Variants in CNTLN observed in about 807,000 individuals in gnomAD.
CNTLN encodes the protein centlein.
CNTLN carries 212 observed loss-of-function variants against 180.0 expected under a neutral mutation model. That is an observed-to-expected ratio of 1.18 (90% confidence interval 1.05 to 1.32). The LOEUF is 1.32. Ranked by LOEUF, CNTLN falls within the 40% of genes most tolerant of loss-of-function variation. The probability of loss-of-function intolerance (pLI) is 0.00; values close to 1 mark genes in which losing one functional copy is unlikely to be tolerated. For missense variants in CNTLN, 2,095 were observed against 1,610.9 expected (o/e 1.30, Z -5.14); for synonymous variants, 722 against 563.1 (o/e 1.28, Z -3.99).
chr9:17,149,875 G>A (rs1309932403), intron 2 of CNTLN, among the ~76,000 whole-genome samples: 2 of 151,988 alleles, frequency 1.3e-5, no homozygotes, highest in East Asian at 3.9e-4. Context: ...ATCTCGTTGT[G>A]GTTTTGATTT....
chr9:17,227,150 C>T (rs1393999561), intron 3 of CNTLN, among the ~76,000 whole-genome samples: 1 of 151,614 alleles, frequency 6.6e-6, no homozygotes, highest in African/African-American at 2.4e-5. Context: ...CAGCACCAAG[C>T]CATGAGGGAT....
chr9:17,364,851 T>C lies in CNTLN; in HGVS notation c.1887-1766T>C, dbSNP rs554733122. Reference sequence around the variant, plus strand: ...TTTTGATTGTTCATGTTTCTGTAAATTGTATGGCTCAGTTTTGAACCTATT... The same window carrying C: ...TTTTGATTGTTCATGTTTCTGTAAACTGTATGGCTCAGTTTTGAACCTATT... On this transcript the variant is annotated intron_variant, in intron 12 of 25. Transcript: ENST00000380647. Among the ~76,000 whole-genome samples the C allele has an allele frequency of 1.3e-4, 20 of 152,338 alleles. 1 individual carries two copies. Among genetic ancestry groups the C allele is most frequent in the African/African-American group, 4.3e-4 (18 of 41,578 alleles).
At chr9:17,356,896 C>T (rs951179753) in intron 12 of CNTLN, among the ~76,000 whole-genome samples, 9 of 151,822 alleles carry the variant, frequency 5.9e-5, no homozygotes, top group African/African-American at 1.9e-4. Flanking sequence ...GTTTCCTGCC[C>T]TCCCCATATA....
intron 2 of CNTLN, among the ~76,000 whole-genome samples, chr9:17,170,517 T>G (rs114414695): frequency 0.019 from 2,896 of 152,222 alleles, 59 homozygotes; most frequent in African/African-American, 0.05. Flanking sequence ...ACATTCTTTC[T>G]GTTCCTCTAA....
chr9:17,181,935 C>G (rs538296447), intron 2 of CNTLN, among the ~76,000 whole-genome samples: 1 of 152,316 alleles, frequency 6.6e-6, no homozygotes, highest in East Asian at 1.9e-4. Context: ...AAAATTCTGA[C>G]TCTTCCTTGG....
chr9:17,191,144 A>G lies in CNTLN; in HGVS notation c.450-35059A>G, dbSNP rs144669668. ...ATTTTCTTCTTAAACAGCCATAACT[A>G]TTTACTAATAGGATATGTGAGCCTT... is the stretch of plus-strand genomic sequence containing the variant. On this transcript the variant is annotated intron_variant, in intron 2 of 25. Coordinates refer to ENST00000380647, the MANE Select transcript of CNTLN (RefSeq NM_017738.4). Among the ~76,000 whole-genome samples, 24 of 152,322 alleles carry G rather than the reference A, an allele frequency of 1.6e-4. No homozygotes were observed. The East Asian group carries it at 4.4e-3, about 28-fold the overall frequency.
At position 17,483,434 on chromosome 9, in the gene CNTLN, C is replaced by T. The variant is rs192139591; in HGVS notation, c.3856-861C>T. Among the ~76,000 whole-genome samples the T allele has an allele frequency of 2.0e-5, 3 of 152,274 alleles. No individual in the cohort carries two copies. The East Asian group carries it at 5.8e-4, about 29-fold the overall frequency. ...TGTCAAAATTATAGTTATACACACC[C>T]TTTGATCCAGCAGTTTCAATTCTAG... On this transcript the variant is annotated intron_variant, in intron 23 of 25. Coordinates refer to ENST00000380647, the MANE Select transcript of CNTLN (RefSeq NM_017738.4).
intron 23 of CNTLN, among the ~76,000 whole-genome samples, chr9:17,474,444 A>G (rs957612115): frequency 1.3e-5 from 2 of 152,104 alleles, no homozygotes; most frequent in African/African-American, 4.8e-5. Context: ...AAATAGACCC[A>G]GGAGTCTGCT....
downstream of CNTLN, among the ~76,000 whole-genome samples, chr9:17,505,715 A>G (rs1042904993): frequency 2.6e-5 from 4 of 152,138 alleles, no homozygotes; most frequent in Non-Finnish European, 5.9e-5. Flanking sequence ...CCAAATTTAT[A>G]TAGAGATTTA....
At chr9:17,202,423 G>A (rs1046864591) in intron 2 of CNTLN, among the ~76,000 whole-genome samples, 1 of 151,868 alleles carries the variant, frequency 6.6e-6, no homozygotes, top group African/African-American at 2.4e-5. Flanking sequence ...ACAGTGGGGT[G>A]TTAAACTCAC....
At chr9:17,336,045 C>A (rs562522278) in intron 10 of CNTLN, among the ~76,000 whole-genome samples, 1 of 152,202 alleles carries the variant, frequency 6.6e-6, no homozygotes, top group East Asian at 1.9e-4. Context: ...TCATTCAGCA[C>A]CTGCCTGTGG....
intron 15 of CNTLN, among the ~76,000 whole-genome samples, chr9:17,406,596 C>G (rs1158285010): frequency 6.6e-6 from 1 of 151,694 alleles, no homozygotes; most frequent in African/African-American, 2.4e-5. Flanking sequence ...TTCCTCTTAT[C>G]TTGCTCATTT....
At chr9:17,407,123 GA>G (rs1827453728) in intron 15 of CNTLN, among the ~76,000 whole-genome samples, 1 of 152,174 alleles carries the variant, frequency 6.6e-6, no homozygotes, top group South Asian at 2.1e-4. Flanking sequence ...ATAACTTGTA[GA>G]TTTGATCAAT....
intron 20 of CNTLN, among the ~76,000 whole-genome samples, chr9:17,463,860 G>A (rs1256165532): frequency 6.6e-6 from 1 of 151,456 alleles, no homozygotes; most frequent in Non-Finnish European, 1.5e-5. Flanking sequence ...GTTAATACAT[G>A]TAAAGCACTT....
At chr9:17,391,371 C>T (rs1042808648) in intron 14 of CNTLN, among the ~76,000 whole-genome samples, 1 of 152,032 alleles carries the variant, frequency 6.6e-6, no homozygotes, top group Non-Finnish European at 1.5e-5. Context: ...TATGACCTGC[C>T]TTAGGGAAGA....
chr9:17,481,363 C>A (rs1055815172), intron 23 of CNTLN, among the ~76,000 whole-genome samples: 5 of 152,194 alleles, frequency 3.3e-5, no homozygotes, highest in Admixed American at 2.0e-4. Context: ...CCAGGGAGCT[C>A]AAGCGCAGAG....
intron 5 of CNTLN, among the ~76,000 whole-genome samples, chr9:17,249,263 G>A (rs371111653): frequency 6.0e-5 from 9 of 151,220 alleles, no homozygotes; most frequent in East Asian, 1.9e-4. Flanking sequence ...TAGTTTTGTC[G>A]TGTTGTGTTT....
intron 6 of CNTLN, among the ~76,000 whole-genome samples, chr9:17,279,274 G>A (rs549793138): frequency 6.6e-6 from 1 of 152,000 alleles, no homozygotes; most frequent in East Asian, 1.9e-4. Flanking sequence ...ATTCTATATA[G>A]TACTTCAGTG....
chr9:17,268,825 G>C (rs890382714), intron 5 of CNTLN, among the ~76,000 whole-genome samples: 1 of 151,726 alleles, frequency 6.6e-6, no homozygotes, highest in African/African-American at 2.4e-5. Flanking sequence ...CTCTGTGGGC[G>C]TAGGACCCTC....
Sources: gnomAD v4.1 joint callset for allele counts (sites outside exome capture counted in the v4.1 genomes callset) on GRCh38, gnomAD v4.1.1 for gene constraint, MANE v1.5 for transcripts, NCBI Gene and HGNC (gene_info 2026-07-23, HGNC 2026-07-21) for gene names.